Variants in LAMA1 observed in about 807,000 individuals in gnomAD.
LAMA1 encodes the protein laminin subunit alpha 1.
LAMA1 carries 219 observed loss-of-function variants against 348.7 expected under a neutral mutation model. That is an observed-to-expected ratio of 0.63 (90% CI 0.56 to 0.70). The LOEUF is 0.70. Among genes scored for constraint, LAMA1 ranks in the 30% least tolerant of loss-of-function variants. The pLI is 0.00. For synonymous variants in LAMA1, 1,487 were observed against 1,491.0 expected (o/e 1.00, Z 0.06); for missense variants, 3,744 against 3,888.0 (o/e 0.96, Z 0.99).
At chr18:7,091,330 A>G (rs2058239006) in intron 1 of LAMA1, among the ~76,000 whole-genome samples, 1 of 152,238 alleles carries the variant, frequency 6.6e-6, no homozygotes, top group Non-Finnish European at 1.5e-5. Flanking sequence ...CTAAATCCTT[A>G]CAGGTGAAAA....
At position 7,055,197 on chromosome 18, in the gene LAMA1, T is replaced by C. The variant is rs1027753075; in HGVS notation, c.346-4261A>G. 2.0e-5 allele frequency among the ~76,000 whole-genome samples: 3 copies of C among 151,890 alleles called. No homozygotes were observed. In the South Asian group the frequency reaches 6.3e-4, roughly 32 times the overall value. On this transcript the variant is annotated intron_variant, in intron 3 of 62. Coordinates refer to ENST00000389658, the MANE Select transcript of LAMA1 (RefSeq NM_005559.4). ...CAGGAGCGGTGGCTCATGCCTGGAA[T>C]CCCAGCACTTTAGGAGGCCGAGGCG...
chr18:7,010,446 T>C, intron 25 of LAMA1, 61 bp from the exon 26 acceptor site: 2 of 1,434,904 alleles, frequency 1.4e-6, no homozygotes, highest in Non-Finnish European at 2.0e-6. Context: ...AAACATTTTA[T>C]TGCAAGACTG....
chr18:7,080,251 C>T (rs754877523), intron 2 of LAMA1, 36 bp downstream of exon 2: 2 of 1,613,514 alleles, frequency 1.2e-6, no homozygotes, highest in South Asian at 1.1e-5. Context: ...GTGTACATTC[C>T]CATGGGAATT....
At chr18:6,976,203 T>A (rs1001308870) in intron 44 of LAMA1, 123 bp from the exon 45 acceptor site, 11 of 893,042 alleles carry the variant, frequency 1.2e-5, no homozygotes, top group South Asian at 1.2e-4. Flanking sequence ...CTTGATAACA[T>A]ACAATGGTTC....
chr18:7,007,277 C>T lies in LAMA1; in HGVS notation c.4123-1G>A, dbSNP rs1403569631. On this transcript the variant is annotated splice_acceptor_variant, in intron 28 of 62. Coordinates refer to ENST00000389658, the MANE Select transcript of LAMA1 (RefSeq NM_005559.4). LOFTEE classifies it high-confidence loss of function. ...CTCTGTGGTACCCAGGGGCGCAGTC[C>T]TGAGGGGGTGCAAAAGGGAGGACAA... 1 of 1,613,318 alleles carries T rather than the reference C, an allele frequency of 6.2e-7. No homozygotes were observed. Among genetic ancestry groups the T allele is most frequent in the East Asian group, 2.2e-5 (1 of 44,846 alleles).
intron 12 of LAMA1, among the ~76,000 whole-genome samples, chr18:7,036,717 G>GA (rs779926065): frequency 1.3e-5 from 2 of 151,670 alleles, no homozygotes; most frequent in Admixed American, 6.6e-5. Flanking sequence ...TATAATTTGA[G>GA]AAAAAAATAA....
chr18:7,071,157 C>G (rs544208342), intron 3 of LAMA1, among the ~76,000 whole-genome samples: 1 of 152,144 alleles, frequency 6.6e-6, no homozygotes, highest in African/African-American at 2.4e-5. Flanking sequence ...AAGGAGACAG[C>G]GTGGCATGGT....
chr18:6,997,938 C>T (rs2057790467), intron 32 of LAMA1, 54 bp from the exon 33 acceptor site: 13 of 1,559,416 alleles, frequency 8.3e-6, no homozygotes, highest in Non-Finnish European at 1.1e-5. Context: ...TGTGGTCTGC[C>T]CATTTTTTCA....
intron 8 of LAMA1, 104 bp downstream of exon 8, chr18:7,043,123 G>T: frequency 9.2e-7 from 1 of 1,083,236 alleles, no homozygotes; most frequent in Non-Finnish European, 1.4e-6. Context: ...GGATATAAAT[G>T]AAATATTACA....
At chr18:6,978,037 T>A (rs2057690549) in intron 43 of LAMA1, among the ~76,000 whole-genome samples, 156 bp from the exon 44 acceptor site, 1 of 152,260 alleles carries the variant, frequency 6.6e-6, no homozygotes. Context: ...ACAAGTAGCA[T>A]GCATTTCCCA....
chr18:7,064,975 C>T (rs2143753536), intron 3 of LAMA1, among the ~76,000 whole-genome samples: 1 of 152,274 alleles, frequency 6.6e-6, no homozygotes, highest in Non-Finnish European at 1.5e-5. Flanking sequence ...GTGGCTCACG[C>T]CTGTAATCCC....
chr18:6,964,615 A>G, intron 51 of LAMA1, 47 bp downstream of exon 51: 1 of 1,607,668 alleles, frequency 6.2e-7, no homozygotes, highest in Non-Finnish European at 8.5e-7. Flanking sequence ...CTAGCAAGCT[A>G]ATAAAGTTGG....
At chr18:7,015,397 G>A (rs950639404) in intron 22 of LAMA1, among the ~76,000 whole-genome samples, 6 of 151,434 alleles carry the variant, frequency 4.0e-5, no homozygotes, top group African/African-American at 1.2e-4. Flanking sequence ...AGTCTCCCAA[G>A]TAGCTGAGAC....
Position 7,000,012 on chromosome 18 carries a change from T to C in LAMA1, c.4383-15A>G, listed in dbSNP as rs1172861588. The C allele has an allele frequency of 6.3e-7, 1 of 1,591,772 alleles. No homozygotes were observed. The highest frequency in any genetic ancestry group is 8.6e-7 in the Non-Finnish European group (1 of 1,160,334). The stretch of plus-strand genomic sequence containing the variant: ...TGGGACTAAAACTGGAGGAAAAGAA[T>C]TTCTTTTTGAATTTTCAGATATACA... On this transcript the variant is annotated splice_polypyrimidine_tract_variant and intron_variant, in intron 30 of 62. Transcript: ENST00000389658.
Position 6,992,568 on chromosome 18 carries a change from C to A in LAMA1, c.5161G>T (p.Glu1721Ter). The A allele has an allele frequency of 6.2e-7, 1 of 1,614,148 alleles. No homozygotes were observed. The highest frequency in any genetic ancestry group is 1.1e-5 in the South Asian group (1 of 91,074). ...FTQLHQNATL[E>*]LKAAEDLLSQ... ...CAGTAATTAGAAACTTACTTGAGTT[C>A]AAGGGTGGCATTTTGGTGCAACTGT... Residue 1721 changes from glutamate (E) to a stop codon, truncating the protein, a stop_gained, in exon 36 of 63, where the codon GAA becomes TAA. Transcript: ENST00000389658. LOFTEE classifies it high-confidence loss of function.
chr18:7,044,891 T>C (rs1467685219), intron 6 of LAMA1, 52 bp from the exon 7 acceptor site: 2 of 1,326,626 alleles, frequency 1.5e-6, no homozygotes, highest in Non-Finnish European at 1.1e-6. Flanking sequence ...TGCTTATGTT[T>C]CTTAATTTCA....
intron 29 of LAMA1, among the ~76,000 whole-genome samples, chr18:7,004,007 A>C (rs975160867): frequency 6.6e-6 from 1 of 152,326 alleles, no homozygotes; most frequent in East Asian, 1.9e-4. Context: ...CCTGACAAGG[A>C]ATAAATATTA....
chr18:7,042,376 G>C lies in LAMA1; in HGVS notation c.1156-126C>G, dbSNP rs1037915523. ...TATTACGATGATTTTGTGCATGGGG[G>C]TGGGGGTTAGGTTTGAGGAAGATAA... is the stretch of plus-strand genomic sequence containing the variant. On this transcript the variant is annotated intron_variant, in intron 8 of 62. Transcript: ENST00000389658. 17 of 690,690 alleles carry C rather than the reference G, an allele frequency of 2.5e-5. No homozygotes were observed. The African/African-American group carries it at 3.0e-4, about 12-fold the overall frequency. 42.8% of individuals were successfully genotyped at this position (690,690 alleles called of 1,614,324 possible).
At chr18:7,095,569 G>C (rs576689539) in intron 1 of LAMA1, among the ~76,000 whole-genome samples, 5 of 152,320 alleles carry the variant, frequency 3.3e-5, no homozygotes, top group Non-Finnish European at 7.3e-5. Flanking sequence ...TTGGTTTCCA[G>C]GAGAGTGCCA....
Sources: allele counts gnomAD v4.1 joint callset (sites outside exome capture counted in the v4.1 genomes callset), GRCh38; gene constraint gnomAD v4.1.1; transcripts MANE v1.5; gene names NCBI Gene and HGNC (gene_info 2026-07-23, HGNC 2026-07-21).